The following PNOC variants were observed in gnomAD, a reference collection of about 807,000 sequenced individuals.
PNOC encodes the protein nociceptin.
PNOC carries 10 observed loss-of-function variants against 15.6 expected under a neutral mutation model. The observed-to-expected ratio is 0.64, with a 90% CI of 0.40 to 1.09. The LOEUF (loss-of-function observed/expected upper bound fraction) is 1.09, where lower values mean the gene tolerates loss of function less well. Among genes scored for constraint, PNOC ranks in the 50% least tolerant of loss-of-function variants. The probability of loss-of-function intolerance (pLI) is 0.01; values close to 1 mark genes in which losing one functional copy is unlikely to be tolerated. For missense variants in PNOC, 220 were observed against 223.9 expected (o/e 0.98, Z 0.11); for synonymous variants, 98 against 88.5 (o/e 1.11, Z -0.60).
At chr8:28,339,614 C>G in intron 3 of PNOC, 123 bp downstream of exon 3, 1 of 757,014 alleles carries the variant, frequency 1.3e-6, no homozygotes, top group African/African-American at 1.7e-5. Flanking sequence ...CACACACACA[C>G]CCCGCAAGGA....
chr8:28,324,236 C>T (rs779580252), intron 1 of PNOC, among the ~76,000 whole-genome samples: 5 of 152,164 alleles, frequency 3.3e-5, no homozygotes, highest in South Asian at 2.1e-4. Context: ...TTTTATACCT[C>T]GCCCTTAAAT....
At chr8:28,319,861 G>C (rs1477882982) in intron 1 of PNOC, among the ~76,000 whole-genome samples, 2 of 152,130 alleles carry the variant, frequency 1.3e-5, no homozygotes, top group Non-Finnish European at 2.9e-5. Context: ...GGCTTGAATT[G>C]CTGGGCAGTC....
intron 2 of PNOC, chr8:28,338,704 A>G (rs1563331393): frequency 9.6e-7 from 1 of 1,037,520 alleles, no homozygotes; most frequent in Non-Finnish European, 1.2e-6. Context: ...GGCTCCAAAA[A>G]CCCGACTAAA....
At chr8:28,335,860 T>C (rs1004144230) in intron 2 of PNOC, among the ~76,000 whole-genome samples, 3 of 152,066 alleles carry the variant, frequency 2.0e-5, no homozygotes, top group Non-Finnish European at 4.4e-5. Flanking sequence ...CTGCAGGTGA[T>C]TGGGACTCAC....
intron 1 of PNOC, among the ~76,000 whole-genome samples, chr8:28,323,655 C>T (rs1801181167): frequency 6.6e-6 from 1 of 152,238 alleles, no homozygotes; most frequent in Non-Finnish European, 1.5e-5. Flanking sequence ...ACAAATACAA[C>T]TCGTGAATTA....
intron 1 of PNOC, among the ~76,000 whole-genome samples, chr8:28,319,728 C>T (rs1395501849): frequency 1.3e-5 from 2 of 152,110 alleles, no homozygotes; most frequent in Admixed American, 6.6e-5. Context: ...CCAAAGCCCA[C>T]GAAGGAAGCT....
Position 28,328,730 on chromosome 8 carries a change from C to A in PNOC, c.-23-405C>A, listed in dbSNP as rs752326235. On this transcript the variant is annotated intron_variant, in intron 1 of 3. Transcript: ENST00000301908. ...CTTTTATGGGCTATGAAAACTGAGGCTCAAAGTGGTTGATTTAATGTCACA... is the reference window on the plus strand; with the variant it reads ...CTTTTATGGGCTATGAAAACTGAGGATCAAAGTGGTTGATTTAATGTCACA... Among the ~76,000 whole-genome samples, 3 of 152,152 alleles carry A rather than the reference C, an allele frequency of 2.0e-5. No individual in the cohort carries two copies. The East Asian group carries it at 5.8e-4, about 29-fold the overall frequency.
In PNOC at chr8:28,339,439, G is replaced by A; in HGVS notation, c.526G>A (p.Val176Met). The change falls in exon 3 of 4, where the codon GTG becomes ATG. Residue 176 changes from valine to methionine, a missense_variant. Val to Met is a conservative substitution (Grantham distance 21). Coordinates refer to ENST00000301908, the MANE Select transcript of PNOC (RefSeq NM_006228.5). Reference sequence around the variant, plus strand: ...GCGCACCCTGCACCAGAATGGTAATGTGTAGCCGGAAGGGGCGCTCCTCCC... The same window carrying A: ...GCGCACCCTGCACCAGAATGGTAATATGTAGCCGGAAGGGGCGCTCCTCCC... ...RRRTLHQNGN[V>M] 2 of 1,527,940 alleles carry A rather than the reference G, an allele frequency of 1.3e-6. No homozygotes were observed. The highest frequency in any genetic ancestry group is 1.8e-6 in the Non-Finnish European group (2 of 1,134,416). 94.6% of individuals were successfully genotyped at this position (1,527,940 alleles called of 1,614,324 possible). A position where few individuals can be genotyped will look rare whatever the true frequency, so the allele number is the denominator to read the frequency against.
chr8:28,338,946 C>G, intron 2 of PNOC, 94 bp from the exon 3 acceptor site: 1 of 1,239,648 alleles, frequency 8.1e-7, no homozygotes, highest in Non-Finnish European at 1.1e-6. Context: ...TTCAGAAGCA[C>G]TTGCACTGGT....
At position 28,340,992 on chromosome 8, in the gene PNOC, C is replaced by G. The variant is rs954731040; in HGVS notation, c.*47+1501C>G. 4.6e-5 allele frequency among the ~76,000 whole-genome samples: 7 copies of G among 152,216 alleles called. No individual in the cohort carries two copies. In the South Asian group the frequency reaches 8.3e-4, roughly 18 times the overall value. ...TCTAAACTGTATCATTGTCCTAACA[C>G]AAAGAACCAGTCAGATCATCAAAAT... On this transcript the variant is annotated intron_variant, in intron 3 of 3. Transcript: ENST00000301908.
chr8:28,317,833 C>A (rs76755170), intron 1 of PNOC, among the ~76,000 whole-genome samples: 3,271 of 152,206 alleles, frequency 0.021, 109 homozygotes, highest in African/African-American at 0.075. Flanking sequence ...GTTTTTAATC[C>A]GGAGGGAGCC....
chr8:28,318,324 C>T (rs1442194265), intron 1 of PNOC, among the ~76,000 whole-genome samples: 1 of 152,172 alleles, frequency 6.6e-6, no homozygotes, highest in African/African-American at 2.4e-5. Context: ...CTTGAATACC[C>T]CCATCCTGCG....
intron 2 of PNOC, among the ~76,000 whole-genome samples, chr8:28,336,092 A>G (rs1801407772): frequency 6.6e-6 from 1 of 152,176 alleles, no homozygotes; most frequent in African/African-American, 2.4e-5. Context: ...CTGTTCTTCC[A>G]GGGACTCTTT....
chr8:28,325,392 G>A (rs1421408633), intron 1 of PNOC, among the ~76,000 whole-genome samples: 1 of 152,128 alleles, frequency 6.6e-6, no homozygotes, highest in East Asian at 1.9e-4. Context: ...AGTGGCTCAT[G>A]TCTGTAATCC....
In PNOC at chr8:28,329,257, C is replaced by T; in HGVS notation, c.100C>T (p.Pro34Ser). The T allele has an allele frequency of 6.2e-7, 1 of 1,613,898 alleles. No homozygotes were observed. ...TCTCACATGCCAGGAGAAGCTCCAC[C>T]CAGCCCTGGACAGCTTCGACCTGGA... ...DCLTCQEKLH[P>S]ALDSFDLEVC... Residue 34 changes from proline (P) to serine (S), a missense_variant, in exon 2 of 4, where the codon CCA becomes TCA. Transcript: ENST00000301908.
intron 1 of PNOC, among the ~76,000 whole-genome samples, chr8:28,323,881 A>G (rs1378719178): frequency 6.6e-6 from 1 of 152,256 alleles, no homozygotes. Context: ...CACTGACATT[A>G]ATCTCATTTT....
intron 1 of PNOC, among the ~76,000 whole-genome samples, chr8:28,327,643 T>G (rs1450718442): frequency 2.7e-5 from 4 of 150,692 alleles, no homozygotes; most frequent in Non-Finnish European, 4.4e-5. Flanking sequence ...CTTGGACCAC[T>G]GCAACCTCCG....
intron 2 of PNOC, among the ~76,000 whole-genome samples, chr8:28,335,360 A>T (rs1050766683): frequency 6.6e-6 from 1 of 152,226 alleles, no homozygotes; most frequent in Non-Finnish European, 1.5e-5. Context: ...TGGACACATT[A>T]CTCAACCACA....
At chr8:28,332,108 T>G (rs11136044) in intron 2 of PNOC, among the ~76,000 whole-genome samples, 3 of 152,176 alleles carry the variant, frequency 2.0e-5, no homozygotes, top group Non-Finnish European at 4.4e-5. Context: ...AGTCAGAAAA[T>G]GGACCTGTAA....
Sources: gnomAD v4.1 joint callset for allele counts (sites outside exome capture counted in the v4.1 genomes callset) on GRCh38, gnomAD v4.1.1 for gene constraint, MANE v1.5 for transcripts, NCBI Gene and HGNC (gene_info 2026-07-23, HGNC 2026-07-21) for gene names.